STRN: variants seen among roughly 807,000 people sequenced by gnomAD.
The protein encoded by STRN is protein phosphatase 2 regulatory subunit B'''alpha.
A neutral mutation model predicts 96.3 loss-of-function variants in STRN; 53 were observed. The observed-to-expected ratio is 0.55, with a 90% CI of 0.44 to 0.69. The LOEUF (loss-of-function observed/expected upper bound fraction) is 0.69. Ranked by LOEUF, STRN falls within the 30% of genes least tolerant of loss-of-function variation. The pLI is 0.00. For synonymous variants in STRN, 428 were observed against 355.9 expected (o/e 1.20, Z -2.28); for missense variants, 987 against 963.9 (o/e 1.02, Z -0.32).
intron 10 of STRN, among the ~76,000 whole-genome samples, chr2:36,873,470 G>A (rs1262346566): frequency 6.6e-6 from 1 of 152,120 alleles, no homozygotes; most frequent in Non-Finnish European, 1.5e-5. Context: ...TGAGATGGGA[G>A]GAGAGCCTGA....
chr2:36,948,546 T>C (rs1664665762), intron 1 of STRN, among the ~76,000 whole-genome samples: 1 of 152,152 alleles, frequency 6.6e-6, no homozygotes, highest in South Asian at 2.1e-4. Context: ...TATACCGTGA[T>C]AGGTGTTGGA....
Position 36,957,733 on chromosome 2 carries a change from C to T in STRN, c.234+8497G>A, listed in dbSNP as rs1469005292. Among the ~76,000 whole-genome samples the T allele has an allele frequency of 4.4e-5, 5 of 113,374 alleles. No homozygotes were observed. The East Asian group carries it at 1.0e-3, about 23-fold the overall frequency. The allele number at this position is 113,374 out of a possible 152,430, so 74.4% of individuals were successfully genotyped here. On this transcript the variant is annotated intron_variant, in intron 1 of 17. Transcript: ENST00000263918. The stretch of plus-strand genomic sequence containing the variant: ...GAGAGCTCAGATTAGTCTCATAGTT[C>T]TTCTTTTTGTCTTTTTTTTTTTTTT...
At chr2:36,924,139 G>A (rs772200725) in intron 2 of STRN, among the ~76,000 whole-genome samples, 78 of 152,036 alleles carry the variant, frequency 5.1e-4, no homozygotes, top group Non-Finnish European at 7.8e-4. Context: ...GGGGGATCAC[G>A]AGGTCAGGAG....
In STRN at chr2:36,849,701, T is replaced by C. The variant is rs1338919658; in HGVS notation, c.2173+13A>G. The C allele has an allele frequency of 6.2e-6, 10 of 1,614,028 alleles. No individual in the cohort carries two copies. Among genetic ancestry groups the C allele is most frequent in the African/African-American group, 1.3e-5 (1 of 75,036 alleles). ...GTAAGGACAAATAAATAATCCATAGTTGAGGTACTTACTGCCAGACATCAA... is the reference window on the plus strand; with the variant it reads ...GTAAGGACAAATAAATAATCCATAGCTGAGGTACTTACTGCCAGACATCAA... On this transcript the variant is annotated intron_variant, in intron 17 of 17. Transcript: ENST00000263918.
intron 6 of STRN, among the ~76,000 whole-genome samples, chr2:36,897,167 C>CA (rs1227836720): frequency 2.1e-3 from 280 of 134,232 alleles, no homozygotes; most frequent in African/African-American, 3.8e-3. Flanking sequence ...AACTCCGTCT[C>CA]AAAAAAAAAA....
At chr2:36,855,166 T>A in intron 15 of STRN, 46 bp downstream of exon 15, 1 of 1,593,000 alleles carries the variant, frequency 6.3e-7, no homozygotes, top group Non-Finnish European at 8.6e-7. Context: ...TAATTTTGAT[T>A]AAGTTAAAAA....
chr2:36,897,961 G>A (rs1322100776), intron 6 of STRN, among the ~76,000 whole-genome samples: 1 of 152,014 alleles, frequency 6.6e-6, no homozygotes, highest in Non-Finnish European at 1.5e-5. Flanking sequence ...GAGTAGCTGG[G>A]GTTACAGGCA....
intron 7 of STRN, among the ~76,000 whole-genome samples, chr2:36,891,442 T>G (rs965966880): frequency 1.3e-5 from 2 of 152,102 alleles, no homozygotes; most frequent in Non-Finnish European, 2.9e-5. Context: ...AGGGAACTGC[T>G]TGAATCCAGA....
At position 36,905,531 on chromosome 2, in the gene STRN, G is replaced by C; in HGVS notation, c.491+9C>G. ...CAGCCATTTATAAGTTTCACCATGA[G>C]ACACTTACTGTCTGAGTAGTTGTCG... On this transcript the variant is annotated intron_variant, in intron 4 of 17. Transcript: ENST00000263918. 6.2e-7 allele frequency: 1 copy of C among 1,612,578 alleles called. No homozygotes were observed. Among genetic ancestry groups the C allele is most frequent in the Non-Finnish European group, 8.5e-7 (1 of 1,178,788 alleles).
chr2:36,919,171 T>C (rs1325990175), intron 2 of STRN, among the ~76,000 whole-genome samples: 1 of 152,196 alleles, frequency 6.6e-6, no homozygotes, highest in Non-Finnish European at 1.5e-5. Flanking sequence ...ACAGGCACTG[T>C]GCTGGCTGCT....
chr2:36,914,514 AAGAC>A (rs1425655509), intron 3 of STRN, among the ~76,000 whole-genome samples: 2 of 152,218 alleles, frequency 1.3e-5, no homozygotes, highest in South Asian at 2.1e-4. Flanking sequence ...ACTCAAGTAA[AAGAC>A]AGAATATTAA....
At chr2:36,855,138 A>G in intron 15 of STRN, 74 bp downstream of exon 15, 2 of 1,465,002 alleles carry the variant, frequency 1.4e-6, no homozygotes, top group Non-Finnish European at 1.9e-6. Context: ...TATTTTTCAC[A>G]GCTGACTCTA....
At chr2:36,962,444 C>T (rs1288030400) in intron 1 of STRN, among the ~76,000 whole-genome samples, 2 of 152,100 alleles carry the variant, frequency 1.3e-5, no homozygotes, top group African/African-American at 2.4e-5. Context: ...TTTTCAAATA[C>T]TGAGCCTTAG....
intron 1 of STRN, among the ~76,000 whole-genome samples, chr2:36,934,353 G>T (rs536488835): frequency 6.6e-6 from 1 of 152,174 alleles, no homozygotes; most frequent in African/African-American, 2.4e-5. Context: ...TAGAATATGC[G>T]TACATGTAAG....
At chr2:36,885,730 T>C (rs770727358) in intron 8 of STRN, among the ~76,000 whole-genome samples, 7 of 152,286 alleles carry the variant, frequency 4.6e-5, no homozygotes, top group Non-Finnish European at 5.9e-5. Flanking sequence ...TGGTCTTTAA[T>C]AAGCTTTAGC....
At chr2:36,865,626 A>G (rs1021566420) in intron 12 of STRN, among the ~76,000 whole-genome samples, 8 of 152,102 alleles carry the variant, frequency 5.3e-5, no homozygotes, top group African/African-American at 1.7e-4. Context: ...CAGTGGTGGC[A>G]TATCGGCTCA....
rs1668207191 is a variant in STRN at position 36,851,016 on chromosome 2, G to C, written c.2070C>G (p.Phe690Leu). The change falls in exon 16 of 18, where the codon TTC (phenylalanine) becomes TTG (leucine). Residue 690 changes from phenylalanine (F) to leucine (L), a missense_variant. Coordinates refer to ENST00000263918, the MANE Select transcript of STRN (RefSeq NM_003162.4). The stretch of plus-strand genomic sequence containing the variant: ...AATTCTTACCTGTATTGTTATCATA[G>C]AATTTGATGTGCCTGTCTTCATGAG... ...ITAHEDRHIK[F>L]YDNNTGKLIH... 1.2e-6 allele frequency: 2 copies of C among 1,606,930 alleles called. No individual in the cohort carries two copies. Among genetic ancestry groups the C allele is most frequent in the East Asian group, 4.5e-5 (2 of 44,628 alleles).
At chr2:36,868,798 G>C (rs1668693032) in intron 11 of STRN, among the ~76,000 whole-genome samples, 2 of 151,622 alleles carry the variant, frequency 1.3e-5, no homozygotes, top group African/African-American at 4.8e-5. Flanking sequence ...TCCTCTATTT[G>C]ATGTTCAGTG....
intron 4 of STRN, among the ~76,000 whole-genome samples, chr2:36,904,113 A>T (rs1159939429): frequency 6.6e-6 from 1 of 152,216 alleles, no homozygotes; most frequent in Non-Finnish European, 1.5e-5. Context: ...TTAAAAAAAG[A>T]TTAACATTCT....
Sources: gnomAD v4.1 joint callset for allele counts (sites outside exome capture counted in the v4.1 genomes callset) on GRCh38, gnomAD v4.1.1 for gene constraint, MANE v1.5 for transcripts, NCBI Gene and HGNC (gene_info 2026-07-23, HGNC 2026-07-21) for gene names.